Variants in ASCC1 observed in about 807,000 individuals in gnomAD.
The protein encoded by ASCC1 is ASC-1 complex subunit P50.
A neutral mutation model predicts 46.6 loss-of-function variants in ASCC1; 35 were observed. The observed-to-expected ratio is 0.75, with a 90% CI of 0.57 to 0.99. The LOEUF is 0.99. Among genes scored for constraint, ASCC1 ranks in the 50% least tolerant of loss-of-function variants. The pLI is 0.00. For missense variants in ASCC1, 376 were observed against 428.7 expected (o/e 0.88, Z 1.09); for synonymous variants, 143 against 146.6 (o/e 0.98, Z 0.18).
intron 5 of ASCC1, among the ~76,000 whole-genome samples, chr10:72,188,089 A>T (rs1853775352): frequency 6.9e-6 from 1 of 145,034 alleles, no homozygotes; most frequent in Admixed American, 6.8e-5. Flanking sequence ...CACCCCATAC[A>T]CCACAAAAGT....
chr10:72,169,653 T>C (rs1414748517), intron 5 of ASCC1, among the ~76,000 whole-genome samples: 2 of 152,230 alleles, frequency 1.3e-5, no homozygotes, highest in Non-Finnish European at 2.9e-5. Flanking sequence ...TGGGTATGTA[T>C]GCCTCTTACA....
intron 7 of ASCC1, 147 bp from the exon 8 acceptor site, chr10:72,133,328 C>T (rs1371565287): frequency 4.0e-6 from 3 of 749,484 alleles, no homozygotes; most frequent in Admixed American, 2.1e-5. Context: ...AGAGACTCAT[C>T]TCCCACCATC....
intron 1 of ASCC1, among the ~76,000 whole-genome samples, chr10:72,215,122 C>T (rs1225955291): frequency 6.6e-6 from 1 of 152,152 alleles, no homozygotes; most frequent in African/African-American, 2.4e-5. Context: ...TTCAAGCCAA[C>T]GTGGGCGCGG....
intron 5 of ASCC1, among the ~76,000 whole-genome samples, chr10:72,183,210 A>T (rs1204894373): frequency 6.6e-6 from 1 of 151,926 alleles, no homozygotes; most frequent in East Asian, 1.9e-4. Context: ...TACAGGGCTA[A>T]TTTTTGTATT....
intron 5 of ASCC1, among the ~76,000 whole-genome samples, chr10:72,170,263 C>G (rs1441326208): frequency 6.6e-6 from 1 of 151,978 alleles, no homozygotes; most frequent in Non-Finnish European, 1.5e-5. Context: ...AATATAGTAA[C>G]TATAAAGAAA....
intron 9 of ASCC1, among the ~76,000 whole-genome samples, chr10:72,103,374 C>T (rs978651307): frequency 6.6e-6 from 1 of 152,060 alleles, no homozygotes; most frequent in East Asian, 1.9e-4. Flanking sequence ...CCTCGTGATC[C>T]ACCCGCCTCA....
chr10:72,144,177 ATCTTGGCCAGGCTGG>A (rs1472046464), intron 7 of ASCC1, among the ~76,000 whole-genome samples: 2 of 151,938 alleles, frequency 1.3e-5, no homozygotes, highest in Admixed American at 1.3e-4. Context: ...GGGTTTCACC[ATCTTGGCCAGGCTGG>A]TCTTGAACTC....
intron 5 of ASCC1, among the ~76,000 whole-genome samples, chr10:72,181,334 G>C (rs1055298984): frequency 5.9e-5 from 9 of 152,148 alleles, no homozygotes; most frequent in African/African-American, 2.2e-4. Flanking sequence ...GCCTAGAAGA[G>C]ATGGGACTGA....
At chr10:72,176,467 C>T (rs1446259859) in intron 5 of ASCC1, among the ~76,000 whole-genome samples, 1 of 152,072 alleles carries the variant, frequency 6.6e-6, no homozygotes, top group African/African-American at 2.4e-5. Flanking sequence ...CATCAGCCTC[C>T]CAAGTAGCTG....
intron 7 of ASCC1, among the ~76,000 whole-genome samples, chr10:72,149,098 A>G (rs1382967465): frequency 6.6e-6 from 1 of 152,106 alleles, no homozygotes; most frequent in East Asian, 1.9e-4. Context: ...CTATCTTCTC[A>G]CTAAATTTGG....
rs529093952 is a variant in ASCC1, at chr10:72,190,534, T to C, written c.489+6277A>G. On this transcript the variant is annotated intron_variant, in intron 5 of 9. Transcript: ENST00000672957. ...CTATTGGTGGTTCTCGCAGGGCAGC[T>C]TGGAGAAGGCGCAATACTCTCCAGC... 2,145 of 1,534,520 alleles carry C rather than the reference T, an allele frequency of 1.4e-3. 6 individuals are homozygous for C. Among genetic ancestry groups the C allele is most frequent in the Non-Finnish European group, 1.4e-3 (1,602 of 1,121,360 alleles).
intron 4 of ASCC1, 113 bp downstream of exon 4, chr10:72,203,314 C>T: frequency 1.2e-6 from 1 of 829,354 alleles, no homozygotes; most frequent in South Asian, 1.5e-5. Context: ...AAAGAAAAAG[C>T]CCATAGCTAG....
At chr10:72,172,699 AATAT>A (rs10594627) in intron 5 of ASCC1, among the ~76,000 whole-genome samples, 1 of 137,854 alleles carries the variant, frequency 7.3e-6, no homozygotes, top group South Asian at 2.1e-4. Flanking sequence ...AAAAATATAT[AATAT>A]ATATATTATA....
chr10:72,188,311 G>C (rs1853823818), intron 5 of ASCC1, among the ~76,000 whole-genome samples: 1 of 151,474 alleles, frequency 6.6e-6, no homozygotes, highest in African/African-American at 2.4e-5. Context: ...TAGAGATGGG[G>C]TTTCACTATT....
chr10:72,176,909 G>C (rs898287917), intron 5 of ASCC1, among the ~76,000 whole-genome samples: 1 of 151,640 alleles, frequency 6.6e-6, no homozygotes, highest in Non-Finnish European at 1.5e-5. Flanking sequence ...TCAATTGTCA[G>C]CTCCCTTATC....
chr10:72,149,315 G>A (rs1848021140), intron 7 of ASCC1, among the ~76,000 whole-genome samples: 1 of 151,866 alleles, frequency 6.6e-6, no homozygotes, highest in Non-Finnish European at 1.5e-5. Flanking sequence ...GCGGGTGCCT[G>A]TAGTCTCAGC....
chr10:72,176,773 TAAGTACCAGCCTTAACA>T (rs150466238), intron 5 of ASCC1, among the ~76,000 whole-genome samples: 3,659 of 152,234 alleles, frequency 0.024, 175 homozygotes, highest in African/African-American at 0.084. Flanking sequence ...TACCTCTTTC[TAAGTACCAGCCTTAACA>T]AATTCCTCAC....
chr10:72,099,334 A>G (rs537905724), intron 9 of ASCC1, among the ~76,000 whole-genome samples: 2 of 152,374 alleles, frequency 1.3e-5, no homozygotes, highest in South Asian at 2.1e-4. Context: ...CTGCAATGCA[A>G]TAACAGAAGA....
intron 5 of ASCC1, among the ~76,000 whole-genome samples, chr10:72,169,686 G>A (rs962493017): frequency 3.3e-5 from 5 of 152,186 alleles, no homozygotes; most frequent in African/African-American, 1.2e-4. Context: ...TTGGAAGCAC[G>A]TTAATGGTCT....
Sources: gnomAD v4.1 joint callset for allele counts (sites outside exome capture counted in the v4.1 genomes callset) on GRCh38, gnomAD v4.1.1 for gene constraint, MANE v1.5 for transcripts, NCBI Gene and HGNC (gene_info 2026-07-23, HGNC 2026-07-21) for gene names.